The following TNFAIP8 variants were observed in gnomAD, a reference collection of about 807,000 sequenced individuals.
TNFAIP8 encodes the protein TNF alpha induced protein 8, also known as tumor necrosis factor alpha-induced protein 8.
In TNFAIP8, 7 loss-of-function variants were observed where a neutral mutation model predicts 13.3. The ratio of observed to expected loss-of-function variants is 0.52; its 90% confidence interval spans 0.30 to 0.99. The LOEUF is 0.99. TNFAIP8 is among the 50% of genes least tolerant of loss of function. TNFAIP8 has a pLI of 0.07. For synonymous variants in TNFAIP8, 94 were observed against 87.6 expected, an observed-to-expected ratio of 1.07 and a Z score of -0.41; for missense variants, 258 against 236.9, an observed-to-expected ratio of 1.09 and a Z score of -0.58.
chr5:119,272,803 TC>T (rs1748328681), intron 1 of TNFAIP8, among the ~76,000 whole-genome samples: 1 of 152,170 alleles, frequency 6.6e-6, no homozygotes, highest in Admixed American at 6.5e-5. Context: ...AAGGTTGTTT[TC>T]CTAGGCTTGC....
At chr5:119,383,745 T>C (rs1752572358) in intron 1 of TNFAIP8, among the ~76,000 whole-genome samples, 1 of 152,218 alleles carries the variant, frequency 6.6e-6, no homozygotes, top group East Asian at 1.9e-4. Context: ...CTGCAGTGGG[T>C]GGCAAAGATG....
At chr5:119,291,049 A>G (rs927171910) in intron 1 of TNFAIP8, among the ~76,000 whole-genome samples, 2 of 152,200 alleles carry the variant, frequency 1.3e-5, no homozygotes, top group African/African-American at 4.8e-5. Context: ...TAGTTTGTGT[A>G]TGACCTTTAG....
intron 1 of TNFAIP8, among the ~76,000 whole-genome samples, chr5:119,373,413 A>C (rs1257865760): frequency 2.0e-5 from 3 of 152,154 alleles, no homozygotes; most frequent in Non-Finnish European, 2.9e-5. Context: ...AACTTTCCTC[A>C]CCGGGACGTC....
At chr5:119,370,324 C>G (rs1554181952) in intron 1 of TNFAIP8, among the ~76,000 whole-genome samples, 1 of 152,104 alleles carries the variant, frequency 6.6e-6, no homozygotes, top group Non-Finnish European at 1.5e-5. Flanking sequence ...AACAGAGAAA[C>G]AATGCATGAA....
chr5:119,320,444 A>G (rs1002445180), intron 1 of TNFAIP8, among the ~76,000 whole-genome samples: 1 of 152,140 alleles, frequency 6.6e-6, no homozygotes, highest in African/African-American at 2.4e-5. Context: ...TTCCAGCTCT[A>G]TGGCACTTCT....
chr5:119,353,212 C>G (rs1471825012), upstream of TNFAIP8, among the ~76,000 whole-genome samples: 2 of 152,220 alleles, frequency 1.3e-5, no homozygotes, highest in African/African-American at 4.8e-5. Context: ...CAAGTCCCAC[C>G]TACAGGAGAT....
intron 1 of TNFAIP8, among the ~76,000 whole-genome samples, chr5:119,377,971 G>T (rs1275387016): frequency 6.6e-6 from 1 of 152,172 alleles, no homozygotes; most frequent in Non-Finnish European, 1.5e-5. Context: ...GCTGGAAAGG[G>T]TAGTCTTCTA....
intron 1 of TNFAIP8, among the ~76,000 whole-genome samples, chr5:119,335,593 C>T (rs555107541): frequency 6.6e-5 from 10 of 152,140 alleles, no homozygotes; most frequent in African/African-American, 1.9e-4. Flanking sequence ...CCACAGACCC[C>T]AGACCAAAGA....
chr5:119,283,595 G>C (rs894785421), intron 1 of TNFAIP8, among the ~76,000 whole-genome samples: 2 of 152,210 alleles, frequency 1.3e-5, no homozygotes, highest in Non-Finnish European at 2.9e-5. Flanking sequence ...AGAGCTTGCT[G>C]TAAGAGAGTC....
intron 1 of TNFAIP8, among the ~76,000 whole-genome samples, chr5:119,292,945 CTTCT>C (rs1397438359): frequency 6.6e-6 from 1 of 151,574 alleles, no homozygotes; most frequent in East Asian, 1.9e-4. Context: ...AAATGTTCTT[CTTCT>C]TTTTTTTAAA....
intron 1 of TNFAIP8, among the ~76,000 whole-genome samples, chr5:119,362,936 C>T (rs1019194849): frequency 7.2e-5 from 11 of 152,098 alleles, no homozygotes; most frequent in Non-Finnish European, 2.9e-5. Flanking sequence ...TAAGGAGCCT[C>T]GCCAAGAAAG....
At chr5:119,302,324 A>C in intron 1 of TNFAIP8, among the ~76,000 whole-genome samples, 1 of 152,240 alleles carries the variant, frequency 6.6e-6, no homozygotes, top group East Asian at 1.9e-4. Context: ...ATCCAGAAAT[A>C]TGGACATCCT....
intron 1 of TNFAIP8, among the ~76,000 whole-genome samples, chr5:119,385,377 CCCCTGTG>C (rs1371900571): frequency 1.3e-5 from 2 of 152,172 alleles, no homozygotes; most frequent in African/African-American, 4.8e-5. Flanking sequence ...ACCTTGTCAG[CCCCTGTG>C]GCTTTTAACT....
chr5:119,297,176 T>A (rs369239945), intron 1 of TNFAIP8, among the ~76,000 whole-genome samples: 5 of 152,212 alleles, frequency 3.3e-5, no homozygotes, highest in African/African-American at 1.2e-4. Context: ...CTTGCTTTTC[T>A]AGTTCTTTTA....
intron 1 of TNFAIP8, among the ~76,000 whole-genome samples, chr5:119,390,636 C>A (rs1333110443): frequency 6.6e-6 from 1 of 152,068 alleles, no homozygotes; most frequent in Non-Finnish European, 1.5e-5. Flanking sequence ...TAAATTTCGA[C>A]ATTTGTGAGG....
intron 1 of TNFAIP8, among the ~76,000 whole-genome samples, chr5:119,271,957 C>T (rs779618787): frequency 7.6e-4 from 116 of 152,278 alleles, no homozygotes; most frequent in Middle Eastern, 3.4e-3. Context: ...TGACTGTGGC[C>T]CTGGAGTCTG....
intron 1 of TNFAIP8, chr5:119,333,117 C>G: frequency 3.3e-5 from 18 of 549,540 alleles, no homozygotes; most frequent in Non-Finnish European, 3.9e-5. Context: ...TTTTTTTTTT[C>G]TAAGTATCTG....
At chr5:119,336,886 A>G (rs2112718169) in intron 1 of TNFAIP8, among the ~76,000 whole-genome samples, 1 of 152,356 alleles carries the variant, frequency 6.6e-6, no homozygotes. Flanking sequence ...AACATGGACC[A>G]TTTTGGCCCA....
intron 1 of TNFAIP8, among the ~76,000 whole-genome samples, chr5:119,272,912 C>A (rs1748332457): frequency 6.6e-6 from 1 of 152,208 alleles, no homozygotes; most frequent in African/African-American, 2.4e-5. Context: ...CCACTAAAAA[C>A]AAGGGTTGCG....
Sources: gnomAD v4.1 joint callset for allele counts (sites outside exome capture counted in the v4.1 genomes callset) on GRCh38, gnomAD v4.1.1 for gene constraint, MANE v1.5 for transcripts, NCBI Gene and HGNC (gene_info 2026-07-23, HGNC 2026-07-21) for gene names.